The following COL4A6 variants were observed in gnomAD, a reference collection of about 807,000 sequenced individuals.
The protein encoded by COL4A6 is collagen alpha-6(IV) chain.
Under a neutral mutation model 126.7 loss-of-function variants are expected in COL4A6, and 59 were observed. That is an observed-to-expected ratio of 0.47 (90% confidence interval 0.38 to 0.58). COL4A6 has a LOEUF of 0.58. Among genes scored for constraint, COL4A6 ranks in the 20% least tolerant of loss-of-function variants. COL4A6 has a pLI of 0.00. For missense variants in COL4A6, 1,285 were observed against 1,337.3 expected, an observed-to-expected ratio of 0.96 and a Z score of 0.61; for synonymous variants, 547 against 496.6, an observed-to-expected ratio of 1.10 and a Z score of -1.35.
rs370692930 is a variant in COL4A6, at chrX:108,322,101, G to A, written c.64-11273C>T. Among the ~76,000 whole-genome samples the A allele has an allele frequency of 9.9e-5, 11 of 110,905 alleles. No homozygotes were observed. The East Asian group carries it at 2.5e-3, about 26-fold the overall frequency. On this transcript the variant is annotated intron_variant, in intron 2 of 44. Transcript: ENST00000334504. ...TTCTTGCTAATAATACAAAGAATCTGGCTTTACTTTGAGCAATTCTAAAAC... is the reference window on the plus strand; with the variant it reads ...TTCTTGCTAATAATACAAAGAATCTAGCTTTACTTTGAGCAATTCTAAAAC...
chrX:108,364,786 A>G (rs994015625), intron 2 of COL4A6, among the ~76,000 whole-genome samples: 4 of 111,823 alleles, frequency 3.6e-5, no homozygotes, highest in Admixed American at 2.8e-4. Context: ...ATTCCATTGT[A>G]TACCACTTTT....
intron 2 of COL4A6, among the ~76,000 whole-genome samples, chrX:108,316,097 G>A (rs747764688): frequency 3.6e-4 from 40 of 111,970 alleles, no homozygotes; most frequent in African/African-American, 6.8e-4. Flanking sequence ...TGATGCAAAA[G>A]GTAACCCAGG....
At chrX:108,408,293 A>G (rs190317385) in intron 2 of COL4A6, among the ~76,000 whole-genome samples, 1 of 109,953 alleles carries the variant, frequency 9.1e-6, no homozygotes, top group Admixed American at 9.8e-5. Context: ...ACTGCACTTC[A>G]GCCTGGGTGA....
intron 2 of COL4A6, among the ~76,000 whole-genome samples, chrX:108,319,652 A>T (rs2038977025): frequency 8.9e-6 from 1 of 112,366 alleles, no homozygotes; most frequent in African/African-American, 3.2e-5. Flanking sequence ...GATCTGTACC[A>T]GATAAATTTC....
In COL4A6 at chrX:108,247,854, C is replaced by A. The variant is rs1012472094; in HGVS notation, c.145-26480G>T. ...TACCACTAAGCTACTCAAAAGCCTT[C>A]TGTGCCTTTCTCCACCCAGAGAAAC... On this transcript the variant is annotated intron_variant, in intron 3 of 44. Transcript: ENST00000334504. 2.2e-4 allele frequency among the ~76,000 whole-genome samples: 25 copies of A among 111,919 alleles called. No individual in the cohort carries two copies. The East Asian group carries it at 3.1e-3, about 14-fold the overall frequency.
intron 3 of COL4A6, among the ~76,000 whole-genome samples, chrX:108,263,170 A>C (rs1015408596): frequency 3.6e-5 from 4 of 111,094 alleles, no homozygotes; most frequent in Non-Finnish European, 7.6e-5. Context: ...TCAGGGACTA[A>C]ATCTATAGAC....
At chrX:108,419,173 C>T (rs1039180839) in intron 2 of COL4A6, among the ~76,000 whole-genome samples, 18 of 112,195 alleles carry the variant, frequency 1.6e-4, no homozygotes, top group African/African-American at 5.8e-4. Flanking sequence ...AAACATAATG[C>T]TGTCACCAGG....
At chrX:108,175,903 G>T in intron 28 of COL4A6, 106 bp from the exon 29 acceptor site, 1 of 638,099 alleles carries the variant, frequency 1.6e-6, no homozygotes, top group Non-Finnish European at 2.4e-6. Flanking sequence ...CAAGGAAGTT[G>T]CAGAGAAGGA....
intron 3 of COL4A6, among the ~76,000 whole-genome samples, chrX:108,237,859 CATCTATCTATCTATCTATCTATCT>C (rs36190820): frequency 1.1e-5 from 1 of 91,649 alleles, no homozygotes; most frequent in East Asian, 3.5e-4. Context: ...CTGTCTCTAT[CATCTATCTATCTATCTATCTATCT>C]ATCTATCTAT....
chrX:108,438,527 A>T (rs2064317395), upstream of COL4A6: 5 of 910,509 alleles, frequency 5.5e-6, no homozygotes, highest in South Asian at 2.0e-4. Flanking sequence ...TCTCACTTTC[A>T]GGCACCTTTC....
chrX:108,389,910 G>A (rs1052320052), intron 2 of COL4A6, among the ~76,000 whole-genome samples: 1 of 111,506 alleles, frequency 9.0e-6, no homozygotes, highest in Non-Finnish European at 1.9e-5. Flanking sequence ...AGGAGCTCTT[G>A]TAAGGCAGGC....
chrX:108,228,192 A>C lies in COL4A6; in HGVS notation c.145-6818T>G, dbSNP rs1297245436. On this transcript the variant is annotated intron_variant, in intron 3 of 44. Transcript: ENST00000334504. ...GAGATCTCTGAGTGAAATGGCTTTG[A>C]TTCTCATCCTGAATGGAATTCATCC... 1.2e-4 allele frequency among the ~76,000 whole-genome samples: 14 copies of C among 112,212 alleles called. No individual in the cohort carries two copies. In the Admixed American group the frequency reaches 1.3e-3, roughly 11 times the overall value.
At chrX:108,339,027 T>C (rs6616688) in intron 2 of COL4A6, among the ~76,000 whole-genome samples, 28,187 of 110,606 alleles carry the variant, frequency 0.25, 2,975 homozygotes, top group East Asian at 0.57. Context: ...GCCACACACC[T>C]GCTCTCTCTC....
At chrX:108,301,033 AT>A (rs1394724358) in intron 3 of COL4A6, among the ~76,000 whole-genome samples, 1 of 112,645 alleles carries the variant, frequency 8.9e-6, no homozygotes, top group Admixed American at 9.4e-5. Context: ...AGCAATGCAC[AT>A]TTTTCCATCA....
chrX:108,222,583 T>G (rs1265446670), intron 3 of COL4A6, among the ~76,000 whole-genome samples: 1 of 111,590 alleles, frequency 9.0e-6, no homozygotes, highest in African/African-American at 3.3e-5. Flanking sequence ...TAATTTTGAG[T>G]GTCAATCAGG....
intron 2 of COL4A6, among the ~76,000 whole-genome samples, chrX:108,317,916 T>A (rs2038924062): frequency 9.0e-6 from 1 of 111,475 alleles, no homozygotes; most frequent in African/African-American, 3.3e-5. Context: ...TGCGGGCTCT[T>A]TTTTGGTTCC....
chrX:108,217,793 C>A (rs1190846054), intron 5 of COL4A6, among the ~76,000 whole-genome samples: 1 of 111,786 alleles, frequency 8.9e-6, no homozygotes, highest in Non-Finnish European at 1.9e-5. Context: ...TTGGAGCCTG[C>A]AGCTAGGGCA....
At chrX:108,313,373 A>G (rs2038806650) in intron 2 of COL4A6, among the ~76,000 whole-genome samples, 1 of 112,124 alleles carries the variant, frequency 8.9e-6, no homozygotes, top group African/African-American at 3.2e-5. Flanking sequence ...ATCATCTAAT[A>G]CAGTGGTTCT....
At chrX:108,343,165 AGTGTGTGTGTGTGT>A (rs55685604) in intron 2 of COL4A6, among the ~76,000 whole-genome samples, 1 of 31,414 alleles carries the variant, frequency 3.2e-5, no homozygotes, top group African/African-American at 9.1e-5. Flanking sequence ...ATATATATAT[AGTGTGTGTGTGTGT>A]GTGTGTGTGT....
Sources: allele counts gnomAD v4.1 joint callset (sites outside exome capture counted in the v4.1 genomes callset), GRCh38; gene constraint gnomAD v4.1.1; transcripts MANE v1.5; gene names NCBI Gene and HGNC (gene_info 2026-07-23, HGNC 2026-07-21).